EPB41L4A: variants seen among roughly 807,000 people sequenced by gnomAD.
EPB41L4A encodes erythrocyte membrane protein band 4.1 like 4A.
A neutral mutation model predicts 108.6 loss-of-function variants in EPB41L4A; 100 were observed. That is an observed-to-expected ratio of 0.92 (90% confidence interval 0.78 to 1.09). The LOEUF is 1.09. Among genes scored for constraint, EPB41L4A ranks in the 50% least tolerant of loss-of-function variants. The probability of loss-of-function intolerance (pLI) is 0.00; values close to 1 mark genes in which losing one functional copy is unlikely to be tolerated. For synonymous variants in EPB41L4A, 319 were observed against 289.0 expected (o/e 1.10, Z -1.05); for missense variants, 1,030 against 842.7 (o/e 1.22, Z -2.75).
At chr5:112,211,282 G>T (rs1348820029) in intron 12 of EPB41L4A, among the ~76,000 whole-genome samples, 1 of 152,062 alleles carries the variant, frequency 6.6e-6, no homozygotes, top group African/African-American at 2.4e-5. Flanking sequence ...GGGAGAGACA[G>T]ACTCTTAAAA....
At chr5:112,247,420 C>T (rs1408892329) in intron 9 of EPB41L4A, among the ~76,000 whole-genome samples, 1 of 152,188 alleles carries the variant, frequency 6.6e-6, no homozygotes. Context: ...TCCTTCCTCA[C>T]TACGTGGACC....
intron 1 of EPB41L4A, among the ~76,000 whole-genome samples, chr5:112,312,335 G>A (rs1328608367): frequency 6.6e-6 from 1 of 152,120 alleles, no homozygotes; most frequent in Non-Finnish European, 1.5e-5. Context: ...CATTTATATA[G>A]AATCTGGTGC....
At chr5:112,236,165 T>A (rs1717003013) in intron 11 of EPB41L4A, among the ~76,000 whole-genome samples, 1 of 152,126 alleles carries the variant, frequency 6.6e-6, no homozygotes, top group African/African-American at 2.4e-5. Flanking sequence ...TTATTCAAAT[T>A]TTTCTCATGG....
chr5:112,331,526 T>C (rs1272871794), intron 1 of EPB41L4A, among the ~76,000 whole-genome samples: 3 of 152,200 alleles, frequency 2.0e-5, no homozygotes, highest in African/African-American at 7.2e-5. Flanking sequence ...CACTGATACT[T>C]TGTATATAGC....
rs79122202 is a variant in EPB41L4A at position 112,180,454 on chromosome 5, T to C, written c.1622+3562A>G. Among the ~76,000 whole-genome samples the C allele has an allele frequency of 5.8e-3, 890 of 152,248 alleles. 3 individuals are homozygous for C. Among genetic ancestry groups the C allele is most frequent in the Middle Eastern group, 0.014 (4 of 294 alleles). On this transcript the variant is annotated intron_variant, in intron 18 of 22. Transcript: ENST00000261486. ...CACTTTCAACAAAGGCCACAAGGCA[T>C]TTCAATGAAAAGTCTTTTCAAAAAT... is the stretch of plus-strand genomic sequence containing the variant.
intron 8 of EPB41L4A, 142 bp from the exon 9 acceptor site, chr5:112,259,434 A>G: frequency 3.0e-6 from 2 of 668,018 alleles, no homozygotes; most frequent in Non-Finnish European, 5.3e-6. Context: ...AGCGACAGAG[A>G]GATTTCCCCA....
chr5:112,295,801 T>C (rs926251169), intron 2 of EPB41L4A, among the ~76,000 whole-genome samples: 3 of 152,178 alleles, frequency 2.0e-5, no homozygotes, highest in Non-Finnish European at 4.4e-5. Context: ...CATTGTACCA[T>C]AGGGCAGCAC....
intron 1 of EPB41L4A, among the ~76,000 whole-genome samples, chr5:112,309,111 G>A (rs1166854185): frequency 6.6e-6 from 1 of 151,814 alleles, no homozygotes; most frequent in African/African-American, 2.4e-5. Flanking sequence ...AATTATTTTT[G>A]TTCTTGGGAT....
intron 18 of EPB41L4A, among the ~76,000 whole-genome samples, chr5:112,182,711 C>T (rs1358464980): frequency 7.9e-5 from 12 of 151,872 alleles, no homozygotes; most frequent in Non-Finnish European, 1.6e-4. Context: ...CCCGTGACTA[C>T]GCTGTATCTA....
At chr5:112,194,721 G>T in intron 16 of EPB41L4A, 76 bp from the exon 17 acceptor site, 2 of 867,532 alleles carry the variant, frequency 2.3e-6, no homozygotes, top group South Asian at 1.8e-5. Context: ...AGGTTTATAT[G>T]GGTCCTCTGG....
At chr5:112,232,253 T>C (rs1252015326) in intron 12 of EPB41L4A, among the ~76,000 whole-genome samples, 5 of 152,168 alleles carry the variant, frequency 3.3e-5, no homozygotes, top group East Asian at 1.9e-4. Context: ...CTGATGCCCA[T>C]GTGTAAGTAA....
At chr5:112,323,713 A>T (rs752849474) in intron 1 of EPB41L4A, among the ~76,000 whole-genome samples, 1 of 152,210 alleles carries the variant, frequency 6.6e-6, no homozygotes, top group Non-Finnish European at 1.5e-5. Flanking sequence ...TCAGTGTAAC[A>T]GTCTCCCTTA....
At chr5:112,413,044 G>A (rs1304301138) in intron 1 of EPB41L4A, among the ~76,000 whole-genome samples, 1 of 152,180 alleles carries the variant, frequency 6.6e-6, no homozygotes, top group East Asian at 1.9e-4. Flanking sequence ...AACCCCCACT[G>A]TGAAACCAAC....
intron 1 of EPB41L4A, among the ~76,000 whole-genome samples, chr5:112,312,396 C>T (rs896369121): frequency 3.3e-5 from 5 of 152,074 alleles, no homozygotes; most frequent in Non-Finnish European, 7.4e-5. Context: ...TACCCTCTAC[C>T]GAGAGGACAC....
chr5:112,328,073 G>C (rs973436007), intron 1 of EPB41L4A, among the ~76,000 whole-genome samples: 2 of 152,104 alleles, frequency 1.3e-5, no homozygotes, highest in Admixed American at 6.5e-5. Flanking sequence ...ACTTTGCGAG[G>C]CCAAGGCAGG....
Position 112,169,071 on chromosome 5 carries a change from G to A in EPB41L4A, c.1774C>T (p.His592Tyr). 5.0e-6 allele frequency: 8 copies of A among 1,614,114 alleles called. No individual in the cohort carries two copies. The highest frequency in any genetic ancestry group is 5.9e-6 in the Non-Finnish European group (7 of 1,179,956). Residue 592 changes from histidine to tyrosine, a missense_variant, in exon 21 of 23, where the codon CAT becomes TAT. Transcript: ENST00000261486. Reference protein sequence around the residue: ...QGDPIRIRHSHSPRSYRQYRR... With the variant: ...QGDPIRIRHSYSPRSYRQYRR... Reference sequence around the variant, plus strand: ...TACTGGCGGTAACTTCGTGGCGAATGAGAATGCCTGATGCGGATTGGGTCA... The same window carrying A: ...TACTGGCGGTAACTTCGTGGCGAATAAGAATGCCTGATGCGGATTGGGTCA...
chr5:112,277,562 G>C (rs563139078), intron 3 of EPB41L4A, among the ~76,000 whole-genome samples: 1 of 152,126 alleles, frequency 6.6e-6, no homozygotes, highest in Non-Finnish European at 1.5e-5. Context: ...ACATATGCAA[G>C]GCACATTAAA....
Position 112,307,495 on chromosome 5 carries a change from A to C in EPB41L4A, c.100-5T>G, listed in dbSNP as rs987663891. ...AACGGAACCTTTCGTTGACTTCTGC[A>C]AAAATAATTCAGTTTTATATTTTTT... is the stretch of plus-strand genomic sequence containing the variant. On this transcript the variant is annotated splice_polypyrimidine_tract_variant and splice_region_variant and intron_variant, in intron 1 of 22. Transcript: ENST00000261486. 6.2e-7 allele frequency: 1 copy of C among 1,602,168 alleles called. No individual in the cohort carries two copies. Among genetic ancestry groups the C allele is most frequent in the Non-Finnish European group, 8.5e-7 (1 of 1,169,692 alleles).
chr5:112,243,788 G>C (rs1430497535), intron 9 of EPB41L4A, among the ~76,000 whole-genome samples: 2 of 152,148 alleles, frequency 1.3e-5, no homozygotes, highest in Non-Finnish European at 2.9e-5. Context: ...ACCTCTCTTA[G>C]ACTTCACAGA....
Sources: gnomAD v4.1 joint callset for allele counts (sites outside exome capture counted in the v4.1 genomes callset) on GRCh38, gnomAD v4.1.1 for gene constraint, MANE v1.5 for transcripts, NCBI Gene and HGNC (gene_info 2026-07-23, HGNC 2026-07-21) for gene names.